RIF1: variants seen among roughly 807,000 people sequenced by gnomAD.
RIF1 encodes the protein telomere-associated protein RIF1.
Under a neutral mutation model 247.1 loss-of-function variants are expected in RIF1, and 45 were observed. That is an observed-to-expected ratio of 0.18 (90% confidence interval 0.14 to 0.23). The LOEUF (loss-of-function observed/expected upper bound fraction) is 0.23. Ranked by LOEUF, RIF1 falls within the 10% of genes least tolerant of loss-of-function variation. The probability of loss-of-function intolerance (pLI) is 1.00; values close to 1 mark genes in which losing one functional copy is unlikely to be tolerated. For synonymous variants in RIF1, 1,087 were observed against 978.8 expected (o/e 1.11, Z -2.06); for missense variants, 2,967 against 2,862.5 (o/e 1.04, Z -0.83).
rs1037772687 is a variant in RIF1, at chr2:151,442,938, G to GT, written c.1735-314dup. 9.2e-5 allele frequency among the ~76,000 whole-genome samples: 14 copies of GT among 151,454 alleles called. 1 individual carries two copies. The South Asian group carries it at 2.7e-3, about 29-fold the overall frequency. On this transcript the variant is annotated intron_variant, in intron 16 of 35. Coordinates refer to ENST00000444746, the MANE Select transcript of RIF1 (RefSeq NM_018151.5). ...AGGCGCGTGCCACCCTGCCCGGCTAGTTTTTTTGTATTTTTATTTAGTAGA... is the reference window on the plus strand; with the variant it reads ...AGGCGCGTGCCACCCTGCCCGGCTAGTTTTTTTTGTATTTTTATTTAGTAGA...
intron 3 of RIF1, among the ~76,000 whole-genome samples, chr2:151,412,822 T>C (rs1035300160): frequency 1.3e-5 from 2 of 152,118 alleles, no homozygotes; most frequent in African/African-American, 4.8e-5. Flanking sequence ...ACATGTACAT[T>C]TTAACGTGAT....
intron 29 of RIF1, 94 bp from the exon 30 acceptor site, chr2:151,462,790 A>G: frequency 1.2e-6 from 1 of 863,942 alleles, no homozygotes; most frequent in Non-Finnish European, 1.8e-6. Context: ...TCTTTGGGTT[A>G]CCGAAGTTTT....
intron 27 of RIF1, among the ~76,000 whole-genome samples, chr2:151,461,539 G>C (rs952583167): frequency 2.0e-5 from 3 of 151,750 alleles, no homozygotes; most frequent in Non-Finnish European, 4.4e-5. Context: ...CCACAGGCAT[G>C]TGCCACCACG....
the RIF1 span, chr2:151,520,101 G>A: frequency 1.1e-5 from 2 of 174,080 alleles, no homozygotes; most frequent in East Asian, 3.0e-4. Flanking sequence ...TAATGTACTT[G>A]ATTTGGAGCA....
intron 20 of RIF1, among the ~76,000 whole-genome samples, chr2:151,448,351 A>G (rs1693683007): frequency 6.6e-6 from 1 of 152,186 alleles, no homozygotes. Context: ...GCCAAAAATG[A>G]CAGTTCTTAT....
intron 3 of RIF1, 83 bp from the exon 4 acceptor site, chr2:151,414,740 C>CAGAAG (rs1686899318): frequency 1.2e-6 from 1 of 864,646 alleles, no homozygotes; most frequent in Admixed American, 2.3e-5. Context: ...GATGAATATG[C>CAGAAG]TTGTTCTGTA....
chr2:151,523,582 T>C, the RIF1 span, among the ~76,000 whole-genome samples: 2 of 152,250 alleles, frequency 1.3e-5, no homozygotes. Context: ...GGTCTGGTGG[T>C]AGATGATGGG....
chr2:151,493,545 T>C, intron 9 of RIF1: 1 of 786,464 alleles, frequency 1.3e-6, no homozygotes, highest in Non-Finnish European at 2.0e-6. Flanking sequence ...GGCTCAGTTA[T>C]ATCACACTGA....
rs750648977 is a variant in RIF1 at position 151,445,273 on chromosome 2, A to G, written c.1987-65A>G. 1.1e-5 allele frequency: 10 copies of G among 932,368 alleles called. No individual in the cohort carries two copies. In the East Asian group the frequency reaches 1.4e-4, roughly 13 times the overall value. 57.8% of individuals were successfully genotyped at this position (932,368 alleles called of 1,614,324 possible). A position where few individuals can be genotyped will look rare whatever the true frequency, so the allele number is the denominator to read the frequency against. Reference sequence around the variant, plus strand: ...TTTGCCCACTACTTATAAATAAGTTATGTTACTACTTAGGATTAGAATAAG... The same window carrying G: ...TTTGCCCACTACTTATAAATAAGTTGTGTTACTACTTAGGATTAGAATAAG... On this transcript the variant is annotated intron_variant, in intron 18 of 35. Transcript: ENST00000444746.
chr2:151,493,770 A>T, intron 9 of RIF1: 3 of 1,546,558 alleles, frequency 1.9e-6, no homozygotes, highest in Non-Finnish European at 2.6e-6. Context: ...TCCTTTCTAA[A>T]ATACCGAGCT....
chr2:151,531,308 CTTTTTTTTTTTT>C, the RIF1 span, among the ~76,000 whole-genome samples: 2 of 84,030 alleles, frequency 2.4e-5, no homozygotes, highest in East Asian at 3.8e-4. Context: ...TTTTTTCTTT[CTTTTTTTTTTTT>C]TTTTTTTTTT....
At chr2:151,510,414 A>G (rs1296601446), downstream of RIF1, among the ~76,000 whole-genome samples, 1 of 152,206 alleles carries the variant, frequency 6.6e-6, no homozygotes, top group Non-Finnish European at 1.5e-5. Flanking sequence ...ATCTAACTTA[A>G]CCATTCATTT....
chr2:151,513,419 C>T, the RIF1 span, among the ~76,000 whole-genome samples: 1 of 152,216 alleles, frequency 6.6e-6, no homozygotes, highest in East Asian at 1.9e-4. Context: ...GGCAAAGGGT[C>T]CTCCATCCTT....
In RIF1 at chr2:151,411,305, G is replaced by A; in HGVS notation, c.150G>A (p.Glu50=). 6.2e-7 allele frequency: 1 copy of A among 1,602,594 alleles called. No homozygotes were observed. Among genetic ancestry groups the A allele is most frequent in the Non-Finnish European group, 8.5e-7 (1 of 1,172,936 alleles). The change falls in exon 3 of 36, where the codon GAG becomes GAA. Residue 50 remains glutamate, a synonymous_variant. Coordinates refer to ENST00000444746, the MANE Select transcript of RIF1 (RefSeq NM_018151.5). Reference sequence around the variant, plus strand: ...GAAAAGAAGTAATTACAGAAATTGAGAAAAAACTTCCTCGGCTGTACAAAG... The same window carrying A: ...GAAAAGAAGTAATTACAGAAATTGAAAAAAAACTTCCTCGGCTGTACAAAG... The part of the protein sequence containing the change: ...EEGKEVITEI[E]KKLPRLYKVL...
At chr2:151,425,182 T>G (rs1433740643) in intron 8 of RIF1, among the ~76,000 whole-genome samples, 1 of 152,218 alleles carries the variant, frequency 6.6e-6, no homozygotes, top group Non-Finnish European at 1.5e-5. Flanking sequence ...CACTTGGTTC[T>G]TGGCTGTTTG....
the RIF1 span, chr2:151,533,643 G>T: frequency 1.3e-6 from 1 of 740,926 alleles, no homozygotes; most frequent in Non-Finnish European, 2.3e-6. Flanking sequence ...AAGAGATGTA[G>T]GCATACACAC....
chr2:151,468,386 G>T, intron 31 of RIF1, 88 bp from the exon 32 acceptor site: 2 of 1,119,858 alleles, frequency 1.8e-6, no homozygotes. Flanking sequence ...AACTTTTAAA[G>T]AAATGATTGC....
At chr2:151,490,404 T>C (rs1309629763) in intron 9 of RIF1, 1 of 1,595,618 alleles carries the variant, frequency 6.3e-7, no homozygotes, top group Non-Finnish European at 8.5e-7. Context: ...CCCGTCGCTG[T>C]AAGTCGAAAG....
At chr2:151,487,290 A>G (rs1325652495) in intron 9 of RIF1, among the ~76,000 whole-genome samples, 3 of 152,216 alleles carry the variant, frequency 2.0e-5, no homozygotes, top group Non-Finnish European at 4.4e-5. Flanking sequence ...GGAGGTATAT[A>G]ATAAGTGATA....
Sources: allele counts gnomAD v4.1 joint callset (sites outside exome capture counted in the v4.1 genomes callset), GRCh38; gene constraint gnomAD v4.1.1; transcripts MANE v1.5; gene names NCBI Gene and HGNC (gene_info 2026-07-23, HGNC 2026-07-21).